The following NRG1 variants were observed in gnomAD, a reference collection of about 807,000 sequenced individuals.
NRG1 encodes the protein pro-neuregulin-1, membrane-bound isoform.
A neutral mutation model predicts 63.8 loss-of-function variants in NRG1; 18 were observed. The ratio of observed to expected loss-of-function variants is 0.28; its 90% CI spans 0.19 to 0.42. The LOEUF (loss-of-function observed/expected upper bound fraction) is 0.42, where lower values mean the gene tolerates loss of function less well. Ranked by LOEUF, NRG1 falls within the 10% of genes least tolerant of loss-of-function variation. NRG1 has a pLI of 1.00. For missense variants in NRG1, 762 were observed against 814.7 expected (o/e 0.94, Z 0.79); for synonymous variants, 302 against 301.3 (o/e 1.00, Z -0.02).
chr8:32,699,816 G>A (rs946292849), intron 5 of NRG1, among the ~76,000 whole-genome samples: 7 of 152,154 alleles, frequency 4.6e-5, no homozygotes, highest in African/African-American at 7.2e-5. Context: ...GTAGAGGTCC[G>A]GCTGTGAATA....
intron 1 of NRG1, among the ~76,000 whole-genome samples, chr8:32,081,943 C>T (rs1459287474): frequency 2.6e-5 from 4 of 152,122 alleles, no homozygotes; most frequent in Non-Finnish European, 4.4e-5. Flanking sequence ...AGCCTCTGGC[C>T]AATCTGCCTT....
At chr8:32,626,858 T>C (rs866534315) in intron 5 of NRG1, among the ~76,000 whole-genome samples, 1 of 150,790 alleles carries the variant, frequency 6.6e-6, no homozygotes, top group Non-Finnish European at 1.5e-5. Context: ...CTGTCTCTAC[T>C]AAAAATACAA....
chr8:32,548,599 G>T, exon 1 of NRG1: 1 of 1,345,724 alleles, frequency 7.4e-7, no homozygotes, highest in Non-Finnish European at 9.5e-7. Flanking sequence ...CGCGCAGCGC[G>T]AGCGCCTCAG....
chr8:31,680,523 C>A (rs1417219348), intron 1 of NRG1, among the ~76,000 whole-genome samples: 1 of 151,258 alleles, frequency 6.6e-6, no homozygotes, highest in Non-Finnish European at 1.5e-5. Flanking sequence ...GCCACATTTT[C>A]TTAATCCAGT....
At position 32,488,792 on chromosome 8, in the gene NRG1, T is replaced by C. The variant is rs902590821; in HGVS notation, c.38-107036T>C. 4.6e-5 allele frequency among the ~76,000 whole-genome samples: 7 copies of C among 152,014 alleles called. No individual in the cohort carries two copies. In the South Asian group the frequency reaches 1.0e-3, roughly 23 times the overall value. On this transcript the variant is annotated intron_variant, in intron 1 of 10. Coordinates refer to the NRG1 transcript ENST00000519301. ...GGAGGAGCCTCAGATGGCACAGAAA[T>C]CTGTAGCATCTAGATCAGAGTGACA...
At chr8:32,117,946 C>T (rs1310139544) in intron 1 of NRG1, among the ~76,000 whole-genome samples, 1 of 152,100 alleles carries the variant, frequency 6.6e-6, no homozygotes, top group Non-Finnish European at 1.5e-5. Context: ...AGATTTAGCA[C>T]TAAGAAATCC....
chr8:32,016,216 C>A (rs1042629000), intron 1 of NRG1, among the ~76,000 whole-genome samples: 3 of 152,006 alleles, frequency 2.0e-5, no homozygotes, highest in East Asian at 1.9e-4. Context: ...TATATTCCTG[C>A]AACTTCTTTT....
At chr8:32,435,577 A>G (rs1476459988) in intron 1 of NRG1, among the ~76,000 whole-genome samples, 3 of 152,202 alleles carry the variant, frequency 2.0e-5, no homozygotes, top group African/African-American at 4.8e-5. Flanking sequence ...ATTTGTGGTC[A>G]TAATATTAGC....
intron 1 of NRG1, among the ~76,000 whole-genome samples, chr8:32,583,183 G>T (rs1440490105): frequency 6.6e-6 from 1 of 152,112 alleles, no homozygotes; most frequent in African/African-American, 2.4e-5. Flanking sequence ...ATAGATGGTG[G>T]TGGTTAAATC....
intron 5 of NRG1, among the ~76,000 whole-genome samples, chr8:32,649,159 C>CTTTTTTT (rs35558760): frequency 2.4e-5 from 3 of 123,352 alleles, no homozygotes; most frequent in African/African-American, 3.1e-5. Context: ...TGAGGTACAT[C>CTTTTTTT]TTTTTTTTTT....
intron 1 of NRG1, among the ~76,000 whole-genome samples, chr8:31,676,582 T>C (rs746919527): frequency 2.6e-5 from 4 of 152,162 alleles, no homozygotes; most frequent in Non-Finnish European, 5.9e-5. Context: ...CCATATCTGC[T>C]TAATCAGAAA....
intron 1 of NRG1, among the ~76,000 whole-genome samples, chr8:32,306,164 C>A (rs1346214200): frequency 6.6e-6 from 1 of 152,122 alleles, no homozygotes; most frequent in Non-Finnish European, 1.5e-5. Context: ...TTAAAGATGG[C>A]CATAATAAGT....
intron 1 of NRG1, among the ~76,000 whole-genome samples, chr8:32,000,882 T>C (rs227765): frequency 0.057 from 8,609 of 152,082 alleles, 821 homozygotes; most frequent in African/African-American, 0.2. Context: ...GAACCATCAT[T>C]TGTTTATTTT....
At chr8:32,441,471 C>G (rs1050499652) in intron 1 of NRG1, 2 of 152,000 alleles carry the variant, frequency 1.3e-5, no homozygotes, top group South Asian at 4.2e-4. Flanking sequence ...CAAAAATTAG[C>G]CACCAGGTGT....
chr8:32,586,839 C>T (rs1189906095), intron 1 of NRG1, among the ~76,000 whole-genome samples: 1 of 152,114 alleles, frequency 6.6e-6, no homozygotes, highest in Non-Finnish European at 1.5e-5. Context: ...GACAACAAGG[C>T]ACATTAACAG....
At chr8:32,768,796 G>C (rs557054548), downstream of NRG1, among the ~76,000 whole-genome samples, 2 of 152,102 alleles carry the variant, frequency 1.3e-5, no homozygotes, top group Non-Finnish European at 2.9e-5. Flanking sequence ...GCAATCCTTT[G>C]GGGTGAACAG....
chr8:31,880,421 C>T (rs1435563415), intron 1 of NRG1, among the ~76,000 whole-genome samples: 6 of 152,008 alleles, frequency 3.9e-5, no homozygotes, highest in Non-Finnish European at 5.9e-5. Context: ...GCTTACCAGC[C>T]GTGTGATTTT....
At chr8:32,411,485 G>A (rs1339413716) in intron 1 of NRG1, among the ~76,000 whole-genome samples, 1 of 152,180 alleles carries the variant, frequency 6.6e-6, no homozygotes, top group Non-Finnish European at 1.5e-5. Flanking sequence ...CCTCAATTCA[G>A]TCCAGTTTTC....
At chr8:32,464,823 C>T (rs1490105096) in intron 1 of NRG1, among the ~76,000 whole-genome samples, 1 of 151,948 alleles carries the variant, frequency 6.6e-6, no homozygotes, top group Non-Finnish European at 1.5e-5. Context: ...AAAGCCTTAT[C>T]ACAGGTAAAA....
Sources: allele counts gnomAD v4.1 joint callset (sites outside exome capture counted in the v4.1 genomes callset), GRCh38; gene constraint gnomAD v4.1.1; transcripts MANE v1.5; gene names NCBI Gene and HGNC (gene_info 2026-07-23, HGNC 2026-07-21).